Variants in ADAM28 observed in about 807,000 individuals in gnomAD.
ADAM28 encodes the protein ADAM metallopeptidase domain 28.
ADAM28 carries 105 observed loss-of-function variants against 101.2 expected under a neutral mutation model. The ratio of observed to expected loss-of-function variants is 1.04; its 90% CI spans 0.89 to 1.22. The LOEUF (loss-of-function observed/expected upper bound fraction) is 1.22. ADAM28 is among the 50% of genes most tolerant of loss of function. The probability of loss-of-function intolerance (pLI) is 0.00; values close to 1 mark genes in which losing one functional copy is unlikely to be tolerated. For missense variants in ADAM28, 1,028 were observed against 945.4 expected (o/e 1.09, Z -1.15); for synonymous variants, 322 against 310.6 (o/e 1.04, Z -0.39).
At position 24,335,656 on chromosome 8, in the gene ADAM28, C is replaced by A; in HGVS notation, c.1567+15C>A. On this transcript the variant is annotated intron_variant, in intron 14 of 22. Transcript: ENST00000265769. ...GTGGGGACCAGGTAGGAGGACAAAT[C>A]CTTTCCCCTGTGCATGTGCGAAGGA... is the stretch of plus-strand genomic sequence containing the variant. 2.5e-6 allele frequency: 4 copies of A among 1,579,090 alleles called. No homozygotes were observed. In the South Asian group the frequency reaches 3.5e-5, roughly 14 times the overall value.
chr8:24,326,405 C>T, intron 9 of ADAM28, 149 bp from the exon 10 acceptor site: 1 of 619,774 alleles, frequency 1.6e-6, no homozygotes, highest in Non-Finnish European at 2.7e-6. Flanking sequence ...AGAAAAATGC[C>T]TTATGCAAAT....
rs1344362386 is a variant in ADAM28 at position 24,358,663 on chromosome 8, G to T, written c.*4259G>T. ...ATGTTAGGCACTTTTTAGCAACTAG[G>T]CCTGGGTGGTCTGCTACAATGCCCA... On this transcript the variant is annotated 3_prime_UTR_variant, in exon 23 of 23. Coordinates refer to ENST00000265769, the MANE Select transcript of ADAM28 (RefSeq NM_014265.6). 6.6e-6 allele frequency: 1 copy of T among 152,130 alleles called. No individual in the cohort carries two copies. The highest frequency in any genetic ancestry group is 1.5e-5 in the Non-Finnish European group (1 of 68,026). 9.4% of individuals were successfully genotyped at this position (152,130 alleles called of 1,614,324 possible).
chr8:24,351,577 C>T (rs1816148418), intron 20 of ADAM28: 2 of 533,406 alleles, frequency 3.7e-6, no homozygotes, highest in South Asian at 2.0e-5. Context: ...GTCTCTGCTT[C>T]ATTCTCTCTC....
chr8:24,300,730 A>G (rs1478788076), intron 2 of ADAM28, among the ~76,000 whole-genome samples: 1 of 152,174 alleles, frequency 6.6e-6, no homozygotes, highest in Non-Finnish European at 1.5e-5. Context: ...TTAACATTTT[A>G]TGATGATTTA....
chr8:24,324,106 A>G, intron 9 of ADAM28, 103 bp downstream of exon 9: 1 of 1,064,816 alleles, frequency 9.4e-7, no homozygotes, highest in Non-Finnish European at 1.3e-6. Context: ...AGACATTTAT[A>G]GAGCACTTAC....
chr8:24,312,773 G>C (rs925508087), intron 5 of ADAM28, among the ~76,000 whole-genome samples: 1 of 152,034 alleles, frequency 6.6e-6, no homozygotes, highest in African/African-American at 2.4e-5. Flanking sequence ...AATGCCTAAT[G>C]AATAATGGGT....
At chr8:24,311,571 A>G in intron 5 of ADAM28, 134 bp downstream of exon 5, 1 of 547,662 alleles carries the variant, frequency 1.8e-6, no homozygotes, top group South Asian at 5.3e-5. Context: ...TAACATTTTG[A>G]AATTTGAAGA....
Position 24,300,026 on chromosome 8 carries a change from T to C in ADAM28, c.99T>C (p.Pro33=), listed in dbSNP as rs1424110965. The C allele has an allele frequency of 6.2e-7, 1 of 1,613,666 alleles. No individual in the cohort carries two copies. Among genetic ancestry groups the C allele is most frequent in the Non-Finnish European group, 8.5e-7 (1 of 1,179,996 alleles). Residue 33 remains proline (P), a synonymous_variant, in exon 2 of 23, where the codon CCT becomes CCC. Transcript: ENST00000265769. The part of the protein sequence containing the change: ...PGVKKYEVVY[P]IRLHPLHKRE... ...TGAAGAAGTATGAAGTGGTTTATCC[T>C]ATAAGACTTCATCCACTGCATAAAA...
intron 18 of ADAM28, among the ~76,000 whole-genome samples, chr8:24,349,365 A>AACTT (rs1440575900): frequency 6.6e-6 from 1 of 152,220 alleles, no homozygotes; most frequent in Non-Finnish European, 1.5e-5. Context: ...AAGGTCACAT[A>AACTT]ACTTCCTGTC....
In ADAM28 at chr8:24,356,770, G is replaced by A. The variant is rs1816714926; in HGVS notation, c.*2366G>A. 1 of 152,140 alleles carries A rather than the reference G, an allele frequency of 6.6e-6. No homozygotes were observed. The highest frequency in any genetic ancestry group is 2.1e-4 in the South Asian group (1 of 4,832). 9.4% of individuals were successfully genotyped at this position (152,140 alleles called of 1,614,324 possible). ...TTTTTACCTTGTCTACTTTAAAACAGTGAAATTATTAGGTTAAATTATGTT... is the reference window on the plus strand; with the variant it reads ...TTTTTACCTTGTCTACTTTAAAACAATGAAATTATTAGGTTAAATTATGTT... On this transcript the variant is annotated 3_prime_UTR_variant, in exon 23 of 23. Transcript: ENST00000265769.
intron 2 of ADAM28, among the ~76,000 whole-genome samples, chr8:24,301,883 TTAAAAA>T (rs1563264511): frequency 6.6e-6 from 1 of 152,218 alleles, no homozygotes; most frequent in Non-Finnish European, 1.5e-5. Context: ...TCGTTTACTG[TTAAAAA>T]TAAGAGACTC....
Position 24,356,399 on chromosome 8 carries a change from A to G in ADAM28, c.*1995A>G, listed in dbSNP as rs1816687204. 1 of 152,154 alleles carries G rather than the reference A, an allele frequency of 6.6e-6. No individual in the cohort carries two copies. The highest frequency in any genetic ancestry group is 1.5e-5 in the Non-Finnish European group (1 of 68,014). 9.4% of individuals were successfully genotyped at this position (152,154 alleles called of 1,614,324 possible). A position where few individuals can be genotyped will look rare whatever the true frequency, so the allele number is the denominator to read the frequency against. On this transcript the variant is annotated 3_prime_UTR_variant, in exon 23 of 23. Transcript: ENST00000265769. Reference sequence around the variant, plus strand: ...TAGCCATGTACCATAACCCAAGCAAAAACTAAACCATACACTCTCAAAAGC... The same window carrying G: ...TAGCCATGTACCATAACCCAAGCAAGAACTAAACCATACACTCTCAAAAGC...
In ADAM28 at chr8:24,326,653, C is replaced by T. The variant is rs761951052; in HGVS notation, c.972+18C>T. ...TTGTTCAGGTCTGTATGATGATAAA[C>T]TGTTGGTTCTATGATTTACATTTAT... On this transcript the variant is annotated intron_variant, in intron 10 of 22. Coordinates refer to ENST00000265769, the MANE Select transcript of ADAM28 (RefSeq NM_014265.6). 2.2e-4 allele frequency: 347 copies of T among 1,597,580 alleles called. 1 individual carries two copies. The highest frequency in any genetic ancestry group is 2.9e-4 in the Non-Finnish European group (345 of 1,169,664).
At chr8:24,347,578 T>C (rs1815557127) in intron 18 of ADAM28, among the ~76,000 whole-genome samples, 1 of 152,160 alleles carries the variant, frequency 6.6e-6, no homozygotes, top group Non-Finnish European at 1.5e-5. Flanking sequence ...AAGCCTAACA[T>C]TGTTTATTTG....
At chr8:24,321,683 C>G (rs1811902087) in intron 8 of ADAM28, among the ~76,000 whole-genome samples, 1 of 151,880 alleles carries the variant, frequency 6.6e-6, no homozygotes, top group African/African-American at 2.4e-5. Flanking sequence ...ATGTAATACC[C>G]AGAACAACGC....
intron 20 of ADAM28, among the ~76,000 whole-genome samples, chr8:24,351,759 A>ATCATTTATAACATTGGTAATTATT (rs1554523034): frequency 1.3e-5 from 2 of 150,730 alleles, no homozygotes; most frequent in Admixed American, 6.6e-5. Context: ...AACATTGGTA[A>ATCATTTATAACATTGGTAATTATT]TCATTTATAA....
intron 2 of ADAM28, among the ~76,000 whole-genome samples, chr8:24,302,865 A>G (rs1179452596): frequency 6.6e-6 from 1 of 151,116 alleles, no homozygotes. Flanking sequence ...GGTGTGCTAC[A>G]CCCATTAACT....
intron 11 of ADAM28, 42 bp downstream of exon 11, chr8:24,330,157 G>GT (rs1413467868): frequency 6.3e-7 from 1 of 1,594,572 alleles, no homozygotes; most frequent in Non-Finnish European, 8.6e-7. Context: ...TGTAGCCCTG[G>GT]TTTTGATCCA....
chr8:24,353,292 T>A (rs114434089), intron 21 of ADAM28, among the ~76,000 whole-genome samples: 2,778 of 152,158 alleles, frequency 0.018, 98 homozygotes, highest in African/African-American at 0.064. Context: ...ATGGGCCATA[T>A]ATAAGCAAAC....
Sources: allele counts gnomAD v4.1 joint callset (sites outside exome capture counted in the v4.1 genomes callset), GRCh38; gene constraint gnomAD v4.1.1; transcripts MANE v1.5; gene names NCBI Gene and HGNC (gene_info 2026-07-23, HGNC 2026-07-21).